Variants in DENND10 observed in about 807,000 individuals in gnomAD.
DENND10 encodes the protein DENN domain-containing protein 10.
Under a neutral mutation model 43.6 loss-of-function variants are expected in DENND10, and 24 were observed. That is an observed-to-expected ratio of 0.55 (90% CI 0.40 to 0.77). DENND10 has a LOEUF of 0.77. Ranked by LOEUF, DENND10 falls within the 30% of genes least tolerant of loss-of-function variation. The pLI is 0.00. For missense variants in DENND10, 303 were observed against 429.9 expected, an observed-to-expected ratio of 0.70 and a Z score of 2.61; for synonymous variants, 125 against 157.6, an observed-to-expected ratio of 0.79 and a Z score of 1.55.
At chr10:119,104,396 C>T (rs965521026) in intron 1 of DENND10, among the ~76,000 whole-genome samples, 199 bp downstream of exon 1, 2 of 151,308 alleles carry the variant, frequency 1.3e-5, no homozygotes, top group Non-Finnish European at 3.0e-5. Flanking sequence ...CCGCCCTCGC[C>T]CGCCCGCCCG....
chr10:119,108,355 C>T lies in DENND10; in HGVS notation c.252+191C>T, dbSNP rs1270661. On this transcript the variant is annotated intron_variant, in intron 2 of 8. Transcript: ENST00000361432. Reference sequence around the variant, plus strand: ...AAAATTAGCTGGGCGTGGTGGCGCACGCCTGTAGTCCCAGCTACTCAGGAG... The same window carrying T: ...AAAATTAGCTGGGCGTGGTGGCGCATGCCTGTAGTCCCAGCTACTCAGGAG... Among the ~76,000 whole-genome samples the T allele has an allele frequency of 3.3e-5, 5 of 151,746 alleles. No individual in the cohort carries two copies. The South Asian group carries it at 6.2e-4, about 19-fold the overall frequency.
rs888037050 is a variant in DENND10 at position 119,117,264 on chromosome 10, CG to C, written c.333-252del. On this transcript the variant is annotated intron_variant, in intron 3 of 8. Transcript: ENST00000361432. ...GTGCACACCTGTAATCCCAGGTACT[CG>C]GGAGGCTGAGGCAGGAAAAACACTT... is the stretch of plus-strand genomic sequence containing the variant. 2.4e-4 allele frequency among the ~76,000 whole-genome samples: 36 copies of C among 151,748 alleles called. 1 individual carries two copies. Among genetic ancestry groups the C allele is most frequent in the African/African-American group, 7.5e-4 (31 of 41,286 alleles).
chr10:119,109,557 G>C (rs1419493174), intron 2 of DENND10, among the ~76,000 whole-genome samples: 1 of 150,742 alleles, frequency 6.6e-6, no homozygotes, highest in African/African-American at 2.4e-5. Flanking sequence ...TAACAATTTA[G>C]AAACTGTAGA....
intron 5 of DENND10, 110 bp downstream of exon 5, chr10:119,120,562 G>A (rs1589730555): frequency 1.4e-6 from 1 of 710,570 alleles, no homozygotes; most frequent in East Asian, 2.7e-5. Context: ...ATAGCATGTG[G>A]TGAAATACCA....
chr10:119,115,615 T>A (rs1845224781), intron 3 of DENND10, among the ~76,000 whole-genome samples: 1 of 148,422 alleles, frequency 6.7e-6, no homozygotes, highest in Non-Finnish European at 1.5e-5. Context: ...GGTCTCGATC[T>A]CCTGACCTCG....
At chr10:119,126,799 T>TA (rs1845856043) in intron 6 of DENND10, among the ~76,000 whole-genome samples, 1 of 152,174 alleles carries the variant, frequency 6.6e-6, no homozygotes, top group Non-Finnish European at 1.5e-5. Context: ...AGTCTTGCTT[T>TA]ATTGCCTGGG....
At chr10:119,114,377 G>C (rs564566407) in intron 3 of DENND10, 1 of 152,188 alleles carries the variant, frequency 6.6e-6, no homozygotes, top group Non-Finnish European at 1.5e-5. Context: ...TCCATTTCTG[G>C]TGAGGAGCAG....
intron 1 of DENND10, among the ~76,000 whole-genome samples, chr10:119,104,407 C>T (rs1361531807): frequency 1.3e-5 from 2 of 151,432 alleles, no homozygotes; most frequent in African/African-American, 4.8e-5. Context: ...CGCCCGCCCG[C>T]GGCCGCCTGT....
At chr10:119,126,942 A>G (rs891584931) in intron 6 of DENND10, among the ~76,000 whole-genome samples, 1 of 145,516 alleles carries the variant, frequency 6.9e-6, no homozygotes, top group African/African-American at 2.6e-5. Flanking sequence ...TCTGTCGCCC[A>G]GGCTGGAGTG....
chr10:119,122,938 C>T (rs1845643288), intron 5 of DENND10, among the ~76,000 whole-genome samples: 1 of 152,158 alleles, frequency 6.6e-6, no homozygotes, highest in African/African-American at 2.4e-5. Context: ...CTTGAGCTTT[C>T]TGTAGCTGAT....
chr10:119,123,755 C>T (rs189656671), intron 6 of DENND10, among the ~76,000 whole-genome samples, 186 bp downstream of exon 6: 72 of 152,112 alleles, frequency 4.7e-4, no homozygotes, highest in African/African-American at 1.5e-3. Flanking sequence ...TGTGCCACCA[C>T]GCCTGGCTAA....
Position 119,108,356 on chromosome 10 carries a change from G to A in DENND10, c.252+192G>A, listed in dbSNP as rs1043555828. On this transcript the variant is annotated intron_variant, in intron 2 of 8. Transcript: ENST00000361432. ...AAATTAGCTGGGCGTGGTGGCGCAC[G>A]CCTGTAGTCCCAGCTACTCAGGAGG... Among the ~76,000 whole-genome samples the A allele has an allele frequency of 2.9e-4, 44 of 151,594 alleles. 1 individual carries two copies. The highest frequency in any genetic ancestry group is 5.6e-4 in the Non-Finnish European group (38 of 67,906).
Position 119,132,768 on chromosome 10 carries a change from A to G in DENND10, c.897+159A>G, listed in dbSNP as rs1214067760. 7 of 661,634 alleles carry G rather than the reference A, an allele frequency of 1.1e-5. No homozygotes were observed. The highest frequency in any genetic ancestry group is 1.9e-5 in the Non-Finnish European group (7 of 368,038). The allele number at this position is 661,634 out of a possible 1,614,324, so 41.0% of individuals were successfully genotyped here. On this transcript the variant is annotated intron_variant, in intron 8 of 8. Transcript: ENST00000361432. This position sits in a 1 kb window ranked among gnomAD's most constrained non-coding sequence, Gnocchi z 4.2. The stretch of plus-strand genomic sequence containing the variant: ...CAGACGGCCACAGTGATGATGGACA[A>G]GCAGGTGCAGGCTGGCCTGATCTAG...
At chr10:119,113,690 C>CA (rs11447508) in intron 3 of DENND10, among the ~76,000 whole-genome samples, 122,004 of 141,396 alleles carry the variant, frequency 0.86, 54,497 homozygotes, top group South Asian at 0.98. Context: ...CCAAAAGAAG[C>CA]AAAAAAAAAA....
chr10:119,132,591 A>G lies in DENND10; in HGVS notation c.879A>G (p.Ser293=). ...IVQSAEDPEK[S]ESHVIQDIAL... ...AGTCTGCAGAAGATCCAGAGAAATC[A>G]GAGAGCCACGTTATACAGGTAACTC... is the stretch of plus-strand genomic sequence containing the variant. The change falls in exon 8 of 9, where the codon TCA becomes TCG. Residue 293 remains serine (S), a synonymous_variant. Coordinates refer to ENST00000361432, the MANE Select transcript of DENND10 (RefSeq NM_207009.4). The surrounding 1 kb of genome is among the most constrained non-coding windows in gnomAD (Gnocchi z 4.2). 6.2e-7 allele frequency: 1 copy of G among 1,614,126 alleles called. No individual in the cohort carries two copies. Among genetic ancestry groups the G allele is most frequent in the Non-Finnish European group, 8.5e-7 (1 of 1,179,928 alleles).
chr10:119,106,804 G>A (rs1037455232), intron 1 of DENND10, among the ~76,000 whole-genome samples: 1 of 152,194 alleles, frequency 6.6e-6, no homozygotes, highest in African/African-American at 2.4e-5. Flanking sequence ...CAGCACTTTG[G>A]GGGGCCGAGG....
chr10:119,115,074 T>A (rs940648577), intron 3 of DENND10, among the ~76,000 whole-genome samples: 4 of 152,062 alleles, frequency 2.6e-5, no homozygotes, highest in African/African-American at 9.7e-5. Flanking sequence ...TTGGCCTCTA[T>A]TTTAGAAAGC....
chr10:119,122,748 G>A (rs1329972089), intron 5 of DENND10, among the ~76,000 whole-genome samples: 1 of 152,060 alleles, frequency 6.6e-6, no homozygotes, highest in South Asian at 2.1e-4. Flanking sequence ...CTTGGTTTGC[G>A]AGTTTTACTA....
chr10:119,124,500 C>G (rs936677653), intron 6 of DENND10, among the ~76,000 whole-genome samples: 1 of 151,886 alleles, frequency 6.6e-6, no homozygotes, highest in Admixed American at 6.6e-5. Flanking sequence ...GAGACTGAGC[C>G]ACTGCACTCC....
Sources: allele counts gnomAD v4.1 joint callset (sites outside exome capture counted in the v4.1 genomes callset), GRCh38; gene constraint gnomAD v4.1.1; non-coding constraint Gnocchi (gnomAD v3.1); transcripts MANE v1.5; gene names NCBI Gene and HGNC (gene_info 2026-07-23, HGNC 2026-07-21).